Variants in FN3K observed in about 807,000 individuals in gnomAD.
FN3K encodes the protein fructosamine 3 kinase, also known as fructosamine-3-kinase.
FN3K carries 24 observed loss-of-function variants against 24.8 expected under a neutral mutation model. The ratio of observed to expected loss-of-function variants is 0.97; its 90% CI spans 0.70 to 1.36. FN3K has a LOEUF of 1.36. Ranked by LOEUF, FN3K falls within the 40% of genes most tolerant of loss-of-function variation. The pLI is 0.00. For missense variants in FN3K, 449 were observed against 416.7 expected, an observed-to-expected ratio of 1.08 and a Z score of -0.67; for synonymous variants, 192 against 175.2, an observed-to-expected ratio of 1.10 and a Z score of -0.76.
intron 4 of FN3K, among the ~76,000 whole-genome samples, chr17:82,747,282 C>G (rs1404167610): frequency 6.6e-6 from 1 of 152,176 alleles, no homozygotes; most frequent in Non-Finnish European, 1.5e-5. Flanking sequence ...TGTGTTTTTG[C>G]TTTCATTCAA....
chr17:82,744,525 T>G (rs1046339215), intron 4 of FN3K, among the ~76,000 whole-genome samples: 16 of 152,138 alleles, frequency 1.1e-4, no homozygotes. Context: ...TCTGTCTGCT[T>G]CTCTCATGAA....
At chr17:82,749,062 G>C in intron 5 of FN3K, 85 bp downstream of exon 5, 1 of 1,584,348 alleles carries the variant, frequency 6.3e-7, no homozygotes, top group Non-Finnish European at 8.6e-7. Flanking sequence ...GTAAAACGGA[G>C]CTGGAGCAGG....
At chr17:82,743,624 C>T (rs754181161) in intron 4 of FN3K, among the ~76,000 whole-genome samples, 8 of 152,240 alleles carry the variant, frequency 5.3e-5, no homozygotes, top group Non-Finnish European at 7.3e-5. Context: ...GCTCTGTACA[C>T]TGCCACATAC....
intron 1 of FN3K, 182 bp downstream of exon 1, chr17:82,735,959 G>A: frequency 1.3e-6 from 1 of 761,400 alleles, no homozygotes; most frequent in Non-Finnish European, 2.1e-6. Flanking sequence ...GTGTCTGCAC[G>A]ATCCGTGACC....
chr17:82,738,428 C>T, intron 1 of FN3K, 61 bp from the exon 2 acceptor site: 2 of 1,606,954 alleles, frequency 1.2e-6, no homozygotes, highest in Non-Finnish European at 1.7e-6. Flanking sequence ...CTGTCAAGGG[C>T]CCAGTGGGCA....
Position 82,748,880 on chromosome 17 carries a change from C to G in FN3K, c.494C>G (p.Pro165Arg). 1 of 1,613,304 alleles carries G rather than the reference C, an allele frequency of 6.2e-7. No individual in the cohort carries two copies. The highest frequency in any genetic ancestry group is 8.5e-7 in the Non-Finnish European group (1 of 1,179,978). Residue 165 changes from proline (P) to arginine (R), a missense_variant, in exon 5 of 6, where the codon CCG becomes CGG. Coordinates refer to ENST00000300784, the MANE Select transcript of FN3K (RefSeq NM_022158.4). ...PQVNEWQDDWPTFFARHRLQA... is the reference protein window; with the variant it reads ...PQVNEWQDDWRTFFARHRLQA... ...GTGAATGAGTGGCAGGATGACTGGC[C>G]GACCTTTTTCGCCCGGCACCGGCTC...
chr17:82,741,892 TTTTC>T (rs1372498501), intron 4 of FN3K, among the ~76,000 whole-genome samples: 3 of 152,146 alleles, frequency 2.0e-5, no homozygotes, highest in Non-Finnish European at 2.9e-5. Flanking sequence ...CTCCAGAACA[TTTTC>T]TTTCTTTTCT....
Position 82,735,696 on chromosome 17 carries a change from C to G in FN3K, c.60C>G (p.Pro20=), listed in dbSNP as rs778789676. The G allele has an allele frequency of 6.5e-7, 1 of 1,544,512 alleles. No individual in the cohort carries two copies. Among genetic ancestry groups the G allele is most frequent in the Non-Finnish European group, 8.7e-7 (1 of 1,147,470 alleles). ...CGACCCTGCGGGCCTTCGGCGGCCC[C>G]GGCGCCGGCTGCATCAGCGAGGGCC... is the stretch of plus-strand genomic sequence containing the variant. ...RTATLRAFGG[P]GAGCISEGRA... is the part of the protein sequence containing the mutation. Residue 20 remains proline (P), a synonymous_variant, in exon 1 of 6, where the codon CCC becomes CCG. Coordinates refer to ENST00000300784, the MANE Select transcript of FN3K (RefSeq NM_022158.4).
At position 82,738,596 on chromosome 17, in the gene FN3K, G is replaced by A. The variant is rs1463852130; in HGVS notation, c.249G>A (p.Gly83=). The A allele has an allele frequency of 1.2e-6, 2 of 1,614,074 alleles. No individual in the cohort carries two copies. Among genetic ancestry groups the A allele is most frequent in the East Asian group, 2.2e-5 (1 of 44,884 alleles). Residue 83 remains glycine (G), a synonymous_variant, in exon 2 of 6, where the codon GGG becomes GGA. Coordinates refer to ENST00000300784, the MANE Select transcript of FN3K (RefSeq NM_022158.4). ...AGGTCATCGACCTGCCGGGAGGTGG[G>A]GCCGCCTTTGTGATGGAGCATTTGA... is the stretch of plus-strand genomic sequence containing the variant. ...PMKVIDLPGG[G]AAFVMEHLKM...
chr17:82,739,644 A>C (rs971665477), intron 2 of FN3K, among the ~76,000 whole-genome samples: 8 of 151,860 alleles, frequency 5.3e-5, no homozygotes, highest in Non-Finnish European at 4.4e-5. Flanking sequence ...TTTTTAGTAG[A>C]GACGGGGTTT....
chr17:82,746,089 G>A (rs1316832811), intron 4 of FN3K, among the ~76,000 whole-genome samples: 3 of 66,432 alleles, frequency 4.5e-5, no homozygotes, highest in African/African-American at 1.2e-4. Flanking sequence ...GCAAGACTCC[G>A]TCTCAAAAAA....
chr17:82,737,032 C>A (rs921805446), intron 1 of FN3K, among the ~76,000 whole-genome samples: 1 of 152,090 alleles, frequency 6.6e-6, no homozygotes, highest in African/African-American at 2.4e-5. Context: ...GAGTTCCTGG[C>A]CTGGTGCATG....
At chr17:82,748,721 G>A (rs1393617674) in intron 4 of FN3K, 134 bp from the exon 5 acceptor site, 5 of 1,384,006 alleles carry the variant, frequency 3.6e-6, no homozygotes, top group Non-Finnish European at 3.0e-6. Flanking sequence ...TCTGGGTTGA[G>A]TATTTTATGT....
intron 4 of FN3K, among the ~76,000 whole-genome samples, chr17:82,747,333 A>G (rs2451223): frequency 2.6e-5 from 4 of 152,230 alleles, no homozygotes; most frequent in Non-Finnish European, 4.4e-5. Context: ...ATCTTTCTTA[A>G]ACAGATTTTA....
chr17:82,738,232 G>T, intron 1 of FN3K: 1 of 520,028 alleles, frequency 1.9e-6, no homozygotes, highest in African/African-American at 1.9e-5. Flanking sequence ...CGTGGCCTGT[G>T]CATCCTCCTG....
intron 4 of FN3K, among the ~76,000 whole-genome samples, chr17:82,746,184 C>T (rs1216439047): frequency 7.3e-5 from 11 of 151,700 alleles, no homozygotes; most frequent in Non-Finnish European, 1.5e-4. Flanking sequence ...GTTCCAGTTC[C>T]TCCACATCCT....
chr17:82,750,866 C>A lies in FN3K; in HGVS notation c.*111C>A. 1 of 725,690 alleles carries A rather than the reference C, an allele frequency of 1.4e-6. No homozygotes were observed. The highest frequency in any genetic ancestry group is 2.1e-6 in the Non-Finnish European group (1 of 466,478). 45.0% of individuals were successfully genotyped at this position (725,690 alleles called of 1,614,324 possible). On this transcript the variant is annotated 3_prime_UTR_variant, in exon 6 of 6. Transcript: ENST00000300784. ...TCCCTGTCCCCCTGTTCCCGTCTCC[C>A]CGTCCCTCCGTCTCCATCCCCCCGT...
intron 1 of FN3K, 38 bp from the exon 2 acceptor site, chr17:82,738,451 G>A: frequency 6.2e-7 from 1 of 1,611,390 alleles, no homozygotes; most frequent in East Asian, 2.2e-5. Flanking sequence ...GGCCCTGGCT[G>A]AGTCAACAAG....
chr17:82,749,095 C>A, intron 5 of FN3K, 118 bp downstream of exon 5: 1 of 1,478,708 alleles, frequency 6.8e-7, no homozygotes, highest in Non-Finnish European at 9.2e-7. Context: ...CTGGAGCACA[C>A]ATCAGGGAGG....
Sources: gnomAD v4.1 joint callset for allele counts (sites outside exome capture counted in the v4.1 genomes callset) on GRCh38, gnomAD v4.1.1 for gene constraint, MANE v1.5 for transcripts, NCBI Gene and HGNC (gene_info 2026-07-23, HGNC 2026-07-21) for gene names.